The following EIF3L variants were observed in gnomAD, a reference collection of about 807,000 sequenced individuals.
EIF3L encodes eukaryotic translation initiation factor 3 subunit L.
EIF3L carries 32 observed loss-of-function variants against 74.6 expected under a neutral mutation model. The observed-to-expected ratio is 0.43, with a 90% CI of 0.32 to 0.58. The LOEUF is 0.58. Among genes scored for constraint, EIF3L ranks in the 20% least tolerant of loss-of-function variants. The pLI, the probability that EIF3L is intolerant of heterozygous loss-of-function variation, is 0.06. For missense variants in EIF3L, 474 were observed against 707.8 expected (o/e 0.67, Z 3.75); for synonymous variants, 256 against 254.4 (o/e 1.01, Z -0.06).
Position 37,888,482 on chromosome 22 carries a change from C to T in EIF3L, c.*18C>T, listed in dbSNP as rs745745174. The T allele has an allele frequency of 4.3e-6, 7 of 1,613,014 alleles. No individual in the cohort carries two copies. In the South Asian group the frequency reaches 7.7e-5, roughly 18 times the overall value. ...GACCTTGATGATATTCACACACATT[C>T]AGGAACCTGTTTTGATGTATTATAG... On this transcript the variant is annotated 3_prime_UTR_variant, in exon 13 of 13. Coordinates refer to ENST00000652021, the MANE Select transcript of EIF3L (RefSeq NM_016091.4).
At chr22:37,856,692 A>G (rs1925528279) in intron 4 of EIF3L, among the ~76,000 whole-genome samples, 1 of 151,976 alleles carries the variant, frequency 6.6e-6, no homozygotes, top group African/African-American at 2.4e-5. Context: ...TAAAAATACA[A>G]AATCAGCCGG....
intron 10 of EIF3L, chr22:37,877,382 C>A: frequency 2.9e-6 from 1 of 350,852 alleles, no homozygotes. Flanking sequence ...TAACTCGATC[C>A]TAACTGTGTA....
intron 11 of EIF3L, chr22:37,885,535 A>T (rs1169664321): frequency 1.3e-5 from 2 of 151,928 alleles, no homozygotes; most frequent in African/African-American, 2.4e-5. Flanking sequence ...AACCTAGGGG[A>T]TATAGAAAAT....
chr22:37,860,301 C>T (rs1925788146), intron 5 of EIF3L, among the ~76,000 whole-genome samples: 2 of 152,142 alleles, frequency 1.3e-5, no homozygotes, highest in African/African-American at 4.8e-5. Flanking sequence ...GACATGATAT[C>T]CAGCAAATCC....
chr22:37,868,969 G>C (rs1034371115), intron 7 of EIF3L, among the ~76,000 whole-genome samples: 5 of 151,744 alleles, frequency 3.3e-5, no homozygotes, highest in Admixed American at 3.3e-4. Flanking sequence ...TAGAGATGGG[G>C]TTTCACCATG....
At chr22:37,852,695 G>A (rs756534260) in intron 3 of EIF3L, among the ~76,000 whole-genome samples, 6 of 151,986 alleles carry the variant, frequency 3.9e-5, no homozygotes, top group Non-Finnish European at 7.4e-5. Flanking sequence ...ATGGTTTTAG[G>A]CCTCACCCCT....
At chr22:37,873,053 ATC>A (rs1337602490) in intron 8 of EIF3L, among the ~76,000 whole-genome samples, 5 of 151,834 alleles carry the variant, frequency 3.3e-5, no homozygotes, top group Admixed American at 3.3e-4. Flanking sequence ...CAGTGGCACA[ATC>A]TCTGCTCACT....
chr22:37,874,297 G>T lies in EIF3L; in HGVS notation c.752-73G>T. The T allele has an allele frequency of 3.3e-6, 5 of 1,517,450 alleles. No individual in the cohort carries two copies. In the South Asian group the frequency reaches 6.4e-5, roughly 19 times the overall value. The allele number at this position is 1,517,450 out of a possible 1,614,324, so 94.0% of individuals were successfully genotyped here. Reference sequence around the variant, plus strand: ...TGGCAGTAGGTGAGATGCCTACTGAGTAACATTCAGAGGTCAGGTGTGCCT... The same window carrying T: ...TGGCAGTAGGTGAGATGCCTACTGATTAACATTCAGAGGTCAGGTGTGCCT... On this transcript the variant is annotated intron_variant, in intron 8 of 12. Transcript: ENST00000652021.
intron 6 of EIF3L, 23 bp from the exon 7 acceptor site, chr22:37,863,249 C>A (rs745576237): frequency 1.5e-5 from 24 of 1,601,068 alleles, no homozygotes; most frequent in Non-Finnish European, 2.0e-5. Context: ...TTGAATCTGA[C>A]TTTTCTGTGA....
intron 8 of EIF3L, among the ~76,000 whole-genome samples, chr22:37,872,242 A>T (rs767382814): frequency 6.6e-6 from 1 of 151,382 alleles, no homozygotes; most frequent in Non-Finnish European, 1.5e-5. Context: ...CTCAGCCTCC[A>T]GGGATATAGA....
At chr22:37,852,055 T>G (rs1925255976) in intron 3 of EIF3L, among the ~76,000 whole-genome samples, 1 of 151,990 alleles carries the variant, frequency 6.6e-6, no homozygotes, top group Non-Finnish European at 1.5e-5. Flanking sequence ...GTACCCCCGT[T>G]GGCCTCCCAG....
chr22:37,865,502 AT>A (rs1177435254), intron 7 of EIF3L, among the ~76,000 whole-genome samples: 8 of 152,318 alleles, frequency 5.3e-5, no homozygotes. Context: ...TTGACAAAAT[AT>A]AATTCTTTTC....
rs192496260 is a variant in EIF3L at position 37,849,603 on chromosome 22, G to T, written c.33+121G>T. 1.9e-4 allele frequency: 209 copies of T among 1,126,406 alleles called. No homozygotes were observed. The African/African-American group carries it at 2.8e-3, about 15-fold the overall frequency. The allele number at this position is 1,126,406 out of a possible 1,614,324, so 69.8% of individuals were successfully genotyped here. ...GCCAGCTCCGGCCGACCTCCCGCCC[G>T]GCCCTCAGGCTGCTCCCACAGTTCC... On this transcript the variant is annotated intron_variant, in intron 1 of 12. Coordinates refer to ENST00000652021, the MANE Select transcript of EIF3L (RefSeq NM_016091.4).
intron 8 of EIF3L, among the ~76,000 whole-genome samples, 173 bp from the exon 9 acceptor site, chr22:37,874,197 G>A (rs1326109024): frequency 6.6e-6 from 1 of 152,190 alleles, no homozygotes; most frequent in African/African-American, 2.4e-5. Flanking sequence ...TCGAAGATTA[G>A]CATAAGATTG....
rs752419415 is a variant in EIF3L at position 37,874,443 on chromosome 22, C to T, written c.825C>T (p.Val275=). The T allele has an allele frequency of 3.7e-6, 6 of 1,613,962 alleles. No homozygotes were observed. Among genetic ancestry groups the T allele is most frequent in the East Asian group, 2.2e-5 (1 of 44,892 alleles). Residue 275 remains valine, a synonymous_variant, in exon 9 of 13, where the codon GTC becomes GTT. Transcript: ENST00000652021. ...LYKMLGYFSL[V]GLLRLHSLLG... The stretch of plus-strand genomic sequence containing the variant: ...AAATGCTTGGTTACTTCAGCCTGGT[C>T]GGGCTTCTCCGCCTGCACTCCCTGT...
rs373682490 is a variant in EIF3L at position 37,850,032 on chromosome 22, C to T, written c.51C>T (p.Tyr17=). The change falls in exon 2 of 13, where the codon TAC becomes TAT. Residue 17 remains tyrosine, a synonymous_variant. Coordinates refer to ENST00000652021, the MANE Select transcript of EIF3L (RefSeq NM_016091.4). ...DYESEAAYDP[Y]AYPSDYDMHT... is the part of the protein sequence containing the mutation. ...CCTTCTAGGCGGCTTATGACCCCTA[C>T]GCTTATCCCAGCGACTATGATATGC... The T allele has an allele frequency of 2.0e-5, 33 of 1,613,704 alleles. No individual in the cohort carries two copies. The highest frequency in any genetic ancestry group is 2.5e-5 in the Non-Finnish European group (30 of 1,179,782).
intron 8 of EIF3L, among the ~76,000 whole-genome samples, chr22:37,873,092 A>G (rs951666063): frequency 6.9e-6 from 1 of 143,940 alleles, no homozygotes; most frequent in African/African-American, 2.6e-5. Context: ...AAGTTCAAGC[A>G]ATTCTCCTGC....
intron 8 of EIF3L, 87 bp from the exon 9 acceptor site, chr22:37,874,283 G>A: frequency 7.3e-7 from 1 of 1,374,550 alleles, no homozygotes; most frequent in South Asian, 1.5e-5. Flanking sequence ...GGCAGTAGGT[G>A]AGATGCCTAC....
In EIF3L at chr22:37,858,761, GT is replaced by G. The variant is rs367547054; in HGVS notation, c.435+31del. 1.4e-3 allele frequency: 1,980 copies of G among 1,414,136 alleles called. 10 individuals are homozygous for G. In the African/African-American group the frequency reaches 0.017, roughly 12 times the overall value. The allele number at this position is 1,414,136 out of a possible 1,614,324, so 87.6% of individuals were successfully genotyped here. A position where few individuals can be genotyped will look rare whatever the true frequency, so the allele number is the denominator to read the frequency against. ...TCAGTGTAAGTATTTAAGTGTCGCAGTTTTTTTTTTGTTTTTGTTTTTTTAA... is the reference window on the plus strand; with the variant it reads ...TCAGTGTAAGTATTTAAGTGTCGCAGTTTTTTTTTGTTTTTGTTTTTTTAA... On this transcript the variant is annotated intron_variant, in intron 5 of 12. Coordinates refer to ENST00000652021, the MANE Select transcript of EIF3L (RefSeq NM_016091.4).
Sources: allele counts gnomAD v4.1 joint callset (sites outside exome capture counted in the v4.1 genomes callset), GRCh38; gene constraint gnomAD v4.1.1; transcripts MANE v1.5; gene names NCBI Gene and HGNC (gene_info 2026-07-23, HGNC 2026-07-21).